Variants in PCDHGA6 observed in about 807,000 individuals in gnomAD.
The protein encoded by PCDHGA6 is protocadherin gamma-A6.
PCDHGA6 carries 41 observed loss-of-function variants against 60.6 expected under a neutral mutation model. The ratio of observed to expected loss-of-function variants is 0.68; its 90% CI spans 0.53 to 0.88. The LOEUF is 0.88. Ranked by LOEUF, PCDHGA6 falls within the 40% of genes least tolerant of loss-of-function variation. The probability of loss-of-function intolerance (pLI) is 0.00; values close to 1 mark genes in which losing one functional copy is unlikely to be tolerated. For synonymous variants in PCDHGA6, 594 were observed against 524.4 expected, an observed-to-expected ratio of 1.13 and a Z score of -1.81; for missense variants, 1,312 against 1,203.0, an observed-to-expected ratio of 1.09 and a Z score of -1.34.
At chr5:141,410,752 GT>G (rs2095421794) in intron 1 of PCDHGA6, 1 of 1,130,824 alleles carries the variant, frequency 8.8e-7, no homozygotes, top group Non-Finnish European at 1.2e-6. Context: ...TTTTCTCAAT[GT>G]TTTTTCAATT....
At chr5:141,399,464 C>G in intron 1 of PCDHGA6, 1 of 1,614,018 alleles carries the variant, frequency 6.2e-7, no homozygotes, top group Non-Finnish European at 8.5e-7. Flanking sequence ...GATAACGCTC[C>G]GGTTTTCCAC....
At chr5:141,394,419 G>C in intron 1 of PCDHGA6, 1 of 1,614,224 alleles carries the variant, frequency 6.2e-7, no homozygotes, top group East Asian at 2.2e-5. Context: ...AACAGCCAGC[G>C]ACAGCGGGGA....
intron 1 of PCDHGA6, chr5:141,388,285 C>T (rs773340535): frequency 1.9e-6 from 3 of 1,613,200 alleles, no homozygotes; most frequent in Non-Finnish European, 2.5e-6. Flanking sequence ...CCAAAATTCA[C>T]GCAAAATTCC....
rs2099391747 is a variant in PCDHGA6 at position 141,476,440 on chromosome 5, G to A, written c.2425-18367G>A. Reference sequence around the variant, plus strand: ...CACTGCCCTCTTGCACTGTAACTCTGGAGTTGGTAGTGGAGAACCCGCTGG... The same window carrying A: ...CACTGCCCTCTTGCACTGTAACTCTAGAGTTGGTAGTGGAGAACCCGCTGG... On this transcript the variant is annotated intron_variant, in intron 1 of 3. Transcript: ENST00000517434. The surrounding 1 kb of genome is among the most constrained non-coding windows in gnomAD (Gnocchi z 7.6). 1.2e-6 allele frequency: 2 copies of A among 1,613,998 alleles called. No individual in the cohort carries two copies. Among genetic ancestry groups the A allele is most frequent in the African/African-American group, 2.7e-5 (2 of 74,902 alleles).
At chr5:141,408,914 A>C in intron 1 of PCDHGA6, 1 of 1,613,446 alleles carries the variant, frequency 6.2e-7, no homozygotes, top group Non-Finnish European at 8.5e-7. Context: ...TACCAATGAT[A>C]ACCCCCCGGT....
intron 2 of PCDHGA6, 91 bp from the exon 3 acceptor site, chr5:141,505,302 G>C: frequency 6.3e-7 from 1 of 1,592,714 alleles, no homozygotes. Context: ...TAGGGTTAGG[G>C]TACTAGGTTT....
intron 1 of PCDHGA6, among the ~76,000 whole-genome samples, chr5:141,484,358 G>A (rs2099595185): frequency 6.6e-6 from 1 of 152,160 alleles, no homozygotes; most frequent in South Asian, 2.1e-4. Flanking sequence ...AGTGTATCTA[G>A]TGTATCACTA....
At position 141,511,076 on chromosome 5, in the gene PCDHGA6, A is replaced by G. The variant is rs201009079; in HGVS notation, c.2702A>G (p.Asn901Ser). 19 of 1,614,218 alleles carry G rather than the reference A, an allele frequency of 1.2e-5. No individual in the cohort carries two copies. In the East Asian group the frequency reaches 3.6e-4, roughly 30 times the overall value. ...CAGAATGTCTACATCCCAGGCAGCA[A>G]TGCCACACTGACCAACGCAGCTGGC... ...YRQNVYIPGS[N>S]ATLTNAAGKR... Residue 901 changes from asparagine (N) to serine (S), a missense_variant, in exon 4 of 4, where the codon AAT (asparagine) becomes AGT (serine). Coordinates refer to ENST00000517434, the MANE Select transcript of PCDHGA6 (RefSeq NM_018919.3).
chr5:141,394,358 T>C (rs535265859), intron 1 of PCDHGA6: 13 of 1,614,188 alleles, frequency 8.1e-6, no homozygotes, highest in Middle Eastern at 1.6e-4. Flanking sequence ...GTGTCCTGTA[T>C]GCGCTGCAAT....
Position 141,485,790 on chromosome 5 carries a change from C to T in PCDHGA6, c.2425-9017C>T. On this transcript the variant is annotated intron_variant, in intron 1 of 3. Transcript: ENST00000517434. This position sits in a 1 kb window ranked among gnomAD's most constrained non-coding sequence, Gnocchi z 5.7. The stretch of plus-strand genomic sequence containing the variant: ...AAGCCTTTGGATCGAGAGAAGCAAT[C>T]GGACTACCGCCTGGTGCTGACTGCT... 6.2e-7 allele frequency: 1 copy of T among 1,614,204 alleles called. No homozygotes were observed. Among genetic ancestry groups the T allele is most frequent in the Non-Finnish European group, 8.5e-7 (1 of 1,180,032 alleles).
chr5:141,419,177 C>T (rs1223789288), intron 1 of PCDHGA6: 8 of 1,613,862 alleles, frequency 5.0e-6, no homozygotes, highest in Admixed American at 1.7e-5. Flanking sequence ...AACCATAACC[C>T]TGCACATTAC....
intron 1 of PCDHGA6, among the ~76,000 whole-genome samples, chr5:141,401,424 T>G (rs1408860840): frequency 6.6e-6 from 1 of 152,170 alleles, no homozygotes; most frequent in Non-Finnish European, 1.5e-5. Flanking sequence ...AGAGACTGAT[T>G]CACTGAACTT....
chr5:141,504,474 G>A (rs903417314), intron 2 of PCDHGA6, among the ~76,000 whole-genome samples: 1 of 152,066 alleles, frequency 6.6e-6, no homozygotes, highest in African/African-American at 2.4e-5. Context: ...TGGGATGGGA[G>A]TACAGTGGAG....
At chr5:141,471,046 C>CT (rs1170588345) in intron 1 of PCDHGA6, among the ~76,000 whole-genome samples, 3,156 of 113,234 alleles carry the variant, frequency 0.028, 57 homozygotes, top group African/African-American at 0.046. Context: ...CCCAAGCCCT[C>CT]TTTTTTTTTT....
intron 1 of PCDHGA6, among the ~76,000 whole-genome samples, chr5:141,460,285 T>C (rs1283830175): frequency 1.3e-5 from 2 of 152,154 alleles, no homozygotes; most frequent in Admixed American, 6.5e-5. Context: ...ATAGTTTGTA[T>C]TTCTTATGTC....
At chr5:141,504,660 C>T (rs1002186811) in intron 2 of PCDHGA6, among the ~76,000 whole-genome samples, 8 of 101,980 alleles carry the variant, frequency 7.8e-5, no homozygotes, top group Admixed American at 5.7e-4. Flanking sequence ...TGTTTGAGGG[C>T]GGGGGGTGGG....
chr5:141,377,221 G>GT (rs1773788570), intron 1 of PCDHGA6: 1 of 152,014 alleles, frequency 6.6e-6, no homozygotes, highest in South Asian at 2.1e-4. Context: ...CGTTTCTTAG[G>GT]TTTTTTCCTA....
chr5:141,384,064 A>G, intron 1 of PCDHGA6: 13 of 1,607,984 alleles, frequency 8.1e-6, no homozygotes, highest in Non-Finnish European at 1.1e-5. Context: ...CATTCCAGAA[A>G]ACCTACCTTT....
Position 141,485,666 on chromosome 5 carries a change from A to C in PCDHGA6, c.2425-9141A>C. 1.2e-6 allele frequency: 2 copies of C among 1,612,786 alleles called. No homozygotes were observed. Among genetic ancestry groups the C allele is most frequent in the Non-Finnish European group, 1.7e-6 (2 of 1,178,960 alleles). ...GGCTCAGGATGCAGATGTGGGGAGCAATTCGATTAGCAGCTATAGGCTGAG... is the reference window on the plus strand; with the variant it reads ...GGCTCAGGATGCAGATGTGGGGAGCCATTCGATTAGCAGCTATAGGCTGAG... On this transcript the variant is annotated intron_variant, in intron 1 of 3. Transcript: ENST00000517434. This position sits in a 1 kb window ranked among gnomAD's most constrained non-coding sequence, Gnocchi z 5.7.
Sources: gnomAD v4.1 joint callset for allele counts (sites outside exome capture counted in the v4.1 genomes callset) on GRCh38, gnomAD v4.1.1 for gene constraint, Gnocchi (gnomAD v3.1) non-coding constraint, MANE v1.5 for transcripts, NCBI Gene and HGNC (gene_info 2026-07-23, HGNC 2026-07-21) for gene names.